ZNF385B: variants seen among roughly 807,000 people sequenced by gnomAD.
ZNF385B encodes the protein zinc finger protein 533.
Under a neutral mutation model 39.2 loss-of-function variants are expected in ZNF385B, and 23 were observed. The ratio of observed to expected loss-of-function variants is 0.59; its 90% CI spans 0.42 to 0.83. The LOEUF (loss-of-function observed/expected upper bound fraction) is 0.83, where lower values mean the gene tolerates loss of function less well. ZNF385B is among the 40% of genes least tolerant of loss of function. The pLI is 0.00. For synonymous variants in ZNF385B, 205 were observed against 222.6 expected (o/e 0.92, Z 0.70); for missense variants, 552 against 598.9 (o/e 0.92, Z 0.82).
intron 1 of ZNF385B, among the ~76,000 whole-genome samples, chr2:179,793,808 G>T (rs895170168): frequency 2.0e-5 from 3 of 152,210 alleles, no homozygotes; most frequent in Non-Finnish European, 2.9e-5. Flanking sequence ...AAAGATAACA[G>T]AAATACTGGA....
At chr2:179,581,194 C>A (rs985025841) in intron 3 of ZNF385B, among the ~76,000 whole-genome samples, 1 of 152,128 alleles carries the variant, frequency 6.6e-6, no homozygotes, top group African/African-American at 2.4e-5. Flanking sequence ...ACAGAATTTA[C>A]AACTGTGCAA....
At chr2:179,494,216 A>G (rs982596560) in intron 5 of ZNF385B, among the ~76,000 whole-genome samples, 2 of 152,168 alleles carry the variant, frequency 1.3e-5, no homozygotes, top group African/African-American at 2.4e-5. Context: ...CTTCAGGTTC[A>G]GGGAACACCA....
At chr2:179,564,733 A>T (rs1297060777) in intron 3 of ZNF385B, among the ~76,000 whole-genome samples, 1 of 151,992 alleles carries the variant, frequency 6.6e-6, no homozygotes, top group South Asian at 2.1e-4. Flanking sequence ...ATATAATCCC[A>T]TTTCTAAATC....
Position 179,757,768 on chromosome 2 carries a change from G to A in ZNF385B, c.298+11735C>T, listed in dbSNP as rs186176961. 3.7e-3 allele frequency among the ~76,000 whole-genome samples: 562 copies of A among 152,282 alleles called. 6 individuals are homozygous for A. The highest frequency in any genetic ancestry group is 0.013 in the African/African-American group (530 of 41,546). On this transcript the variant is annotated intron_variant, in intron 3 of 9. Coordinates refer to ENST00000410066, the MANE Select transcript of ZNF385B (RefSeq NM_152520.6). ...GCGTGGGACCCTCCAAGCCAGGTGC[G>A]GGATATAATCTCCTGGTGTGCCGTT...
rs1462707898 is a variant in ZNF385B at position 179,735,301 on chromosome 2, T to G, written c.298+34202A>C. 1.6e-4 allele frequency among the ~76,000 whole-genome samples: 24 copies of G among 148,974 alleles called. No homozygotes were observed. In the South Asian group the frequency reaches 4.0e-3, roughly 25 times the overall value. ...AAAAATTGCTCATCATCACTGGCCA[T>G]CAGAGAAATGCAAATCAAAACCACT... On this transcript the variant is annotated intron_variant, in intron 3 of 9. Transcript: ENST00000410066.
intron 3 of ZNF385B, among the ~76,000 whole-genome samples, chr2:179,743,468 G>A (rs1050899311): frequency 6.6e-6 from 1 of 151,804 alleles, no homozygotes; most frequent in Non-Finnish European, 1.5e-5. Context: ...TAATTAACAA[G>A]AAAAAAATCA....
intron 3 of ZNF385B, among the ~76,000 whole-genome samples, chr2:179,647,218 T>C (rs1692795247): frequency 6.6e-6 from 1 of 152,194 alleles, no homozygotes; most frequent in Non-Finnish European, 1.5e-5. Flanking sequence ...GCTAAAGTTG[T>C]CACTATACTA....
intron 3 of ZNF385B, among the ~76,000 whole-genome samples, chr2:179,569,889 T>C (rs955210614): frequency 1.3e-5 from 2 of 152,204 alleles, no homozygotes; most frequent in African/African-American, 4.8e-5. Flanking sequence ...ATCTGTCTTA[T>C]GAAATGTGAA....
chr2:179,638,618 C>T (rs191416110), intron 3 of ZNF385B, among the ~76,000 whole-genome samples: 35 of 152,200 alleles, frequency 2.3e-4, no homozygotes, highest in African/African-American at 8.2e-4. Context: ...TATAATACTG[C>T]TGTGTATGTG....
Position 179,769,714 on chromosome 2 carries a change from C to A in ZNF385B, c.87G>T (p.Gly29=). The change falls in exon 3 of 10, where the codon GGG becomes GGT. Residue 29 remains glycine (G), a synonymous_variant. Coordinates refer to ENST00000410066, the MANE Select transcript of ZNF385B (RefSeq NM_152520.6). ...GGTCCTCAGGCCTGTCGTTCTTTATCCCCTTTTCTTCAAAGCCCCGTAGAA... is the reference window on the plus strand; with the variant it reads ...GGTCCTCAGGCCTGTCGTTCTTTATACCCTTTTCTTCAAAGCCCCGTAGAA... ...ANFLRGFEEK[G]IKNDRPEDQL... 3.1e-6 allele frequency: 5 copies of A among 1,614,150 alleles called. No homozygotes were observed. In the East Asian group the frequency reaches 8.9e-5, roughly 29 times the overall value.
chr2:179,610,258 C>A (rs1689177820), intron 3 of ZNF385B, among the ~76,000 whole-genome samples: 1 of 152,110 alleles, frequency 6.6e-6, no homozygotes, highest in Non-Finnish European at 1.5e-5. Flanking sequence ...GGTCTAGTTT[C>A]ATTCTTCTGC....
chr2:179,819,899 A>T lies in ZNF385B; in HGVS notation c.-155+41202T>A, dbSNP rs562533850. Reference sequence around the variant, plus strand: ...ACTTTTTTCATATTAACAATTAGACATATTGCACGAGGTACTTCCCCTAAC... The same window carrying T: ...ACTTTTTTCATATTAACAATTAGACTTATTGCACGAGGTACTTCCCCTAAC... On this transcript the variant is annotated intron_variant, in intron 1 of 9. Coordinates refer to ENST00000410066, the MANE Select transcript of ZNF385B (RefSeq NM_152520.6). Among the ~76,000 whole-genome samples the T allele has an allele frequency of 2.6e-5, 4 of 152,332 alleles. No homozygotes were observed. In the East Asian group the frequency reaches 7.7e-4, roughly 29 times the overall value.
intron 3 of ZNF385B, among the ~76,000 whole-genome samples, chr2:179,580,216 T>G (rs2106029611): frequency 6.6e-6 from 1 of 152,022 alleles, no homozygotes; most frequent in East Asian, 1.9e-4. Flanking sequence ...AACATCATTT[T>G]ATCACATTTT....
chr2:179,754,205 C>T (rs1317823684), intron 3 of ZNF385B, among the ~76,000 whole-genome samples: 1 of 152,086 alleles, frequency 6.6e-6, no homozygotes, highest in African/African-American at 2.4e-5. Context: ...TGGTTTTTGT[C>T]TTTGGTTCTG....
intron 3 of ZNF385B, among the ~76,000 whole-genome samples, chr2:179,677,335 C>T (rs17822210): frequency 0.033 from 4,998 of 152,150 alleles, 100 homozygotes; most frequent in Middle Eastern, 0.075. Context: ...CTCTGTTGCC[C>T]GTGTGATTAT....
In ZNF385B at chr2:179,498,577, C is replaced by A. The variant is rs7604858; in HGVS notation, c.553-15143G>T. On this transcript the variant is annotated intron_variant, in intron 5 of 9. Coordinates refer to ENST00000410066, the MANE Select transcript of ZNF385B (RefSeq NM_152520.6). The stretch of plus-strand genomic sequence containing the variant: ...ATATATGGAAATTAAACAATATGTT[C>A]CTGAATGATGAGTGGTTCAATGAAC... Among the ~76,000 whole-genome samples, 14 of 151,914 alleles carry A rather than the reference C, an allele frequency of 9.2e-5. No homozygotes were observed. In the South Asian group the frequency reaches 2.3e-3, roughly 25 times the overall value.
chr2:179,843,841 G>C (rs1403197992), intron 1 of ZNF385B, among the ~76,000 whole-genome samples: 1 of 152,182 alleles, frequency 6.6e-6, no homozygotes, highest in Non-Finnish European at 1.5e-5. Context: ...AGTCAGGCTG[G>C]TTTCACCCTG....
chr2:179,734,745 A>G (rs1318273449), intron 3 of ZNF385B, among the ~76,000 whole-genome samples: 3 of 152,224 alleles, frequency 2.0e-5, no homozygotes, highest in African/African-American at 4.8e-5. Context: ...TAAATAATAC[A>G]CAGTATAAGT....
At chr2:179,722,638 G>A (rs1700766412) in intron 3 of ZNF385B, among the ~76,000 whole-genome samples, 1 of 151,982 alleles carries the variant, frequency 6.6e-6, no homozygotes, top group Admixed American at 6.6e-5. Flanking sequence ...TAATATATTT[G>A]GGATCCATAT....
Sources: allele counts gnomAD v4.1 joint callset (sites outside exome capture counted in the v4.1 genomes callset), GRCh38; gene constraint gnomAD v4.1.1; transcripts MANE v1.5; gene names NCBI Gene and HGNC (gene_info 2026-07-23, HGNC 2026-07-21).